The following SLC9A2 variants were observed in gnomAD, a reference collection of about 807,000 sequenced individuals.
SLC9A2 encodes solute carrier family 9 member A2.
In SLC9A2, 42 loss-of-function variants were observed where a neutral mutation model predicts 71.7. The ratio of observed to expected loss-of-function variants is 0.59; its 90% CI spans 0.46 to 0.76. SLC9A2 has a LOEUF of 0.76. SLC9A2 is among the 30% of genes least tolerant of loss of function. SLC9A2 has a pLI of 0.00. For synonymous variants in SLC9A2, 396 were observed against 392.5 expected (o/e 1.01, Z -0.10); for missense variants, 829 against 1,017.4 (o/e 0.81, Z 2.52).
At chr2:102,636,062 T>C (rs1558702839) in intron 1 of SLC9A2, among the ~76,000 whole-genome samples, 1 of 152,220 alleles carries the variant, frequency 6.6e-6, no homozygotes, top group Non-Finnish European at 1.5e-5. Context: ...TTGACCATTA[T>C]TTTAATGGAA....
intron 5 of SLC9A2, among the ~76,000 whole-genome samples, chr2:102,693,645 C>T (rs945596231): frequency 6.6e-6 from 1 of 152,208 alleles, no homozygotes; most frequent in Non-Finnish European, 1.5e-5. Flanking sequence ...ATGCTTCCAG[C>T]ATCTCCACCA....
At chr2:102,679,950 T>C (rs896947471) in intron 3 of SLC9A2, among the ~76,000 whole-genome samples, 4 of 152,222 alleles carry the variant, frequency 2.6e-5, no homozygotes, top group Admixed American at 2.6e-4. Context: ...GTTTCCACTC[T>C]ATAGATGACA....
chr2:102,666,194 CTTT>C (rs1266703500), intron 3 of SLC9A2, among the ~76,000 whole-genome samples: 1,674 of 119,348 alleles, frequency 0.014, 12 homozygotes, highest in African/African-American at 0.048. Flanking sequence ...TCCAGTTTAG[CTTT>C]TTTTTTTTTT....
At chr2:102,638,661 C>T (rs1490723441) in intron 1 of SLC9A2, among the ~76,000 whole-genome samples, 1 of 152,240 alleles carries the variant, frequency 6.6e-6, no homozygotes, top group Non-Finnish European at 1.5e-5. Flanking sequence ...CACTGCTTCT[C>T]AGCCTTTTGA....
Position 102,708,112 on chromosome 2 carries a change from G to A in SLC9A2, c.2069-7G>A, listed in dbSNP as rs762152360. ...GCTTGCCCACCTTGTCTTTTGCTCC[G>A]TGATAGATGGCAATAGCAGCGACTC... On this transcript the variant is annotated splice_polypyrimidine_tract_variant and splice_region_variant and intron_variant, in intron 11 of 11. Coordinates refer to ENST00000233969, the MANE Select transcript of SLC9A2 (RefSeq NM_003048.6). 8 of 1,606,922 alleles carry A rather than the reference G, an allele frequency of 5.0e-6. No homozygotes were observed. The highest frequency in any genetic ancestry group is 1.1e-5 in the South Asian group (1 of 90,252).
intron 3 of SLC9A2, among the ~76,000 whole-genome samples, chr2:102,670,684 A>G (rs1481492216): frequency 6.6e-6 from 1 of 151,626 alleles, no homozygotes; most frequent in Non-Finnish European, 1.5e-5. Flanking sequence ...GAATTTCCAG[A>G]ATGATAGGTT....
chr2:102,620,184 G>A, intron 1 of SLC9A2, 47 bp downstream of exon 1: 3 of 1,536,076 alleles, frequency 2.0e-6, no homozygotes, highest in Non-Finnish European at 2.7e-6. Context: ...GATCTCGGGG[G>A]GACACCTGGA....
intron 2 of SLC9A2, among the ~76,000 whole-genome samples, chr2:102,661,736 C>G (rs56403650): frequency 0.16 from 24,219 of 152,078 alleles, 2,415 homozygotes; most frequent in East Asian, 0.34. Flanking sequence ...CAAATTAGCC[C>G]ATGACAGAAT....
chr2:102,691,261 C>T (rs7598094), intron 5 of SLC9A2, among the ~76,000 whole-genome samples: 16,861 of 152,146 alleles, frequency 0.11, 1,440 homozygotes, highest in East Asian at 0.32. Flanking sequence ...AATATTTCTA[C>T]TGGTAGTTTG....
intron 3 of SLC9A2, among the ~76,000 whole-genome samples, chr2:102,666,640 T>C (rs1051684998): frequency 3.9e-5 from 6 of 152,212 alleles, no homozygotes. Context: ...GGCTGATGAA[T>C]GATGGAGTTT....
In SLC9A2 at chr2:102,619,930, C is replaced by T. The variant is rs376898546; in HGVS notation, c.82C>T (p.Pro28Ser). 39 of 1,605,034 alleles carry T rather than the reference C, an allele frequency of 2.4e-5. No individual in the cohort carries two copies. The Middle Eastern group carries it at 5.1e-4, about 21-fold the overall frequency. The change falls in exon 1 of 12, where the codon CCC (proline) becomes TCC (serine). Residue 28 changes from proline (P) to serine (S), a missense_variant. Coordinates refer to ENST00000233969, the MANE Select transcript of SLC9A2 (RefSeq NM_003048.6). The surrounding 1 kb of genome is among the most constrained non-coding windows in gnomAD (Gnocchi z 4.3). ...GCTGCTGCTCCTGCAGGTGGCGGGG[C>T]CCGTGGGCGCCCTGGCGGAGACCTT... is the stretch of plus-strand genomic sequence containing the variant. ...LLLLLLQVAG[P>S]VGALAETLLN... is the part of the protein sequence containing the mutation.
At chr2:102,662,942 G>A (rs1358348015) in intron 2 of SLC9A2, among the ~76,000 whole-genome samples, 1 of 152,184 alleles carries the variant, frequency 6.6e-6, no homozygotes, top group Non-Finnish European at 1.5e-5. Context: ...TGCCTGAGTG[G>A]CCCTGGAGAG....
intron 3 of SLC9A2, among the ~76,000 whole-genome samples, chr2:102,665,648 C>T (rs2104526072): frequency 6.6e-6 from 1 of 151,614 alleles, no homozygotes; most frequent in Admixed American, 6.6e-5. Flanking sequence ...GTGATGGGCC[C>T]CTGTAGTCCC....
intron 5 of SLC9A2, among the ~76,000 whole-genome samples, chr2:102,690,482 A>G (rs564264944): frequency 8.3e-4 from 127 of 152,322 alleles, no homozygotes; most frequent in Non-Finnish European, 1.5e-3. Flanking sequence ...GATATCTGTC[A>G]CAGGATGGTT....
rs1491564116 is a variant in SLC9A2, at chr2:102,695,789, T to TA, written c.1586+676_1586+677insA. On this transcript the variant is annotated intron_variant, in intron 7 of 11. Coordinates refer to ENST00000233969, the MANE Select transcript of SLC9A2 (RefSeq NM_003048.6). ...ATATATAATATATATTATATATATA[T>TA]TATATATATATTATATATATATATA... Among the ~76,000 whole-genome samples the TA allele has an allele frequency of 4.3e-4, 16 of 37,114 alleles. 1 individual carries two copies. The highest frequency in any genetic ancestry group is 1.2e-3 in the Admixed American group (4 of 3,282). The allele number at this position is 37,114 out of a possible 152,430, so 24.3% of individuals were successfully genotyped here. A position where few individuals can be genotyped will look rare whatever the true frequency, so the allele number is the denominator to read the frequency against.
At chr2:102,643,337 T>C (rs1211911681) in intron 1 of SLC9A2, among the ~76,000 whole-genome samples, 1 of 152,226 alleles carries the variant, frequency 6.6e-6, no homozygotes, top group African/African-American at 2.4e-5. Context: ...GGATGGAATC[T>C]AAACAGCCCA....
intron 3 of SLC9A2, among the ~76,000 whole-genome samples, chr2:102,680,911 T>C (rs921453302): frequency 2.7e-5 from 4 of 149,202 alleles, no homozygotes; most frequent in Non-Finnish European, 4.4e-5. Flanking sequence ...AGCCAAGGAA[T>C]GCAGGGGGGC....
In SLC9A2 at chr2:102,619,879, C is replaced by A; in HGVS notation, c.31C>A (p.Arg11=). ...ACCACTGGGCAACTGGAGGAGCCTG[C>A]GGGCGCCACTGCCTCCGATGCTGTT... MEPLGNWRSL[R]APLPPMLLLL... is the part of the protein sequence containing the mutation. Residue 11 remains arginine, a synonymous_variant, in exon 1 of 12, where the codon CGG becomes AGG. Transcript: ENST00000233969. This position sits in a 1 kb window ranked among gnomAD's most constrained non-coding sequence, Gnocchi z 4.3. 1 of 1,556,990 alleles carries A rather than the reference C, an allele frequency of 6.4e-7. No homozygotes were observed. The highest frequency in any genetic ancestry group is 2.1e-4 in the Middle Eastern group (1 of 4,742).
At chr2:102,679,483 G>A (rs747852676) in intron 3 of SLC9A2, among the ~76,000 whole-genome samples, 37 of 151,684 alleles carry the variant, frequency 2.4e-4, no homozygotes, top group Non-Finnish European at 4.1e-4. Context: ...CCGGGTTCAC[G>A]CCATTCTTCT....
Sources: gnomAD v4.1 joint callset for allele counts (sites outside exome capture counted in the v4.1 genomes callset) on GRCh38, gnomAD v4.1.1 for gene constraint, Gnocchi (gnomAD v3.1) non-coding constraint, MANE v1.5 for transcripts, NCBI Gene and HGNC (gene_info 2026-07-23, HGNC 2026-07-21) for gene names.